CD226: variants seen among roughly 807,000 people sequenced by gnomAD.
CD226 encodes the protein CD226 molecule.
Under a neutral mutation model 34.9 loss-of-function variants are expected in CD226, and 24 were observed. The observed-to-expected ratio is 0.69, with a 90% CI of 0.50 to 0.97. The LOEUF (loss-of-function observed/expected upper bound fraction) is 0.97. Ranked by LOEUF, CD226 falls within the 50% of genes least tolerant of loss-of-function variation. CD226 has a pLI of 0.00. For synonymous variants in CD226, 148 were observed against 147.4 expected, an observed-to-expected ratio of 1.00 and a Z score of -0.03; for missense variants, 397 against 412.7, an observed-to-expected ratio of 0.96 and a Z score of 0.33.
chr18:69,877,919 G>A (rs1229061900), intron 3 of CD226, among the ~76,000 whole-genome samples: 5 of 152,204 alleles, frequency 3.3e-5, no homozygotes, highest in Admixed American at 6.5e-5. Context: ...GGCCCAGCCT[G>A]TAGCTGACAT....
chr18:69,869,893 C>T (rs1332796379), intron 4 of CD226, among the ~76,000 whole-genome samples: 1 of 151,180 alleles, frequency 6.6e-6, no homozygotes, highest in Non-Finnish European at 1.5e-5. Context: ...CTCCGCCTCC[C>T]GGGTTCAAGT....
intron 2 of CD226, among the ~76,000 whole-genome samples, chr18:69,911,625 TACCCA>T (rs2055326288): frequency 6.6e-6 from 1 of 152,174 alleles, no homozygotes; most frequent in African/African-American, 2.4e-5. Context: ...TTTGGAATAA[TACCCA>T]ATTCACTCAA....
intron 2 of CD226, among the ~76,000 whole-genome samples, chr18:69,928,367 G>A (rs7238338): frequency 0.9 from 136,967 of 152,174 alleles, 63,022 homozygotes; most frequent in East Asian, 1. Flanking sequence ...TTGGGATCAT[G>A]AAGAGGGAAA....
intron 2 of CD226, among the ~76,000 whole-genome samples, chr18:69,938,453 A>T (rs1599025726): frequency 6.6e-6 from 1 of 152,230 alleles, no homozygotes; most frequent in Non-Finnish European, 1.5e-5. Context: ...ATCCATCCAC[A>T]TGTGCTGGAT....
chr18:69,900,458 C>A lies in CD226; in HGVS notation c.383-4413G>T, dbSNP rs970265376. On this transcript the variant is annotated intron_variant, in intron 2 of 5. Transcript: ENST00000582621. Reference sequence around the variant, plus strand: ...TTTTTTAAAAATTTTTCTGGCCGGGCGCGGTGGCTCACGCCTGTAATCCCA... The same window carrying A: ...TTTTTTAAAAATTTTTCTGGCCGGGAGCGGTGGCTCACGCCTGTAATCCCA... Among the ~76,000 whole-genome samples the A allele has an allele frequency of 5.9e-5, 9 of 152,230 alleles. No individual in the cohort carries two copies. In the East Asian group the frequency reaches 1.7e-3, roughly 29 times the overall value.
At chr18:69,959,730 TG>T (rs978316743), upstream of CD226, among the ~76,000 whole-genome samples, 5 of 151,968 alleles carry the variant, frequency 3.3e-5, no homozygotes, top group Admixed American at 3.3e-4. Context: ...AACCATGAGG[TG>T]GAAGGTTAAT....
upstream of CD226, among the ~76,000 whole-genome samples, chr18:69,950,353 A>T (rs1167330204): frequency 6.6e-6 from 1 of 152,220 alleles, no homozygotes; most frequent in African/African-American, 2.4e-5. Flanking sequence ...TCTTTTACAG[A>T]AAAACTTTTT....
At chr18:69,873,458 T>C (rs1983668688) in intron 3 of CD226, among the ~76,000 whole-genome samples, 1 of 152,030 alleles carries the variant, frequency 6.6e-6, no homozygotes, top group African/African-American at 2.4e-5. Flanking sequence ...ATTTGTTTTT[T>C]GATTAAGCTG....
In CD226 at chr18:69,872,828, C is replaced by T. The variant is rs529000436; in HGVS notation, c.830+316G>A. 2.6e-5 allele frequency among the ~76,000 whole-genome samples: 4 copies of T among 152,278 alleles called. No homozygotes were observed. In the East Asian group the frequency reaches 5.8e-4, roughly 22 times the overall value. Reference sequence around the variant, plus strand: ...CCCTTCTCAGAATCTGTATCCATCTCGCGCTGTGTCATACACGCACACACA... The same window carrying T: ...CCCTTCTCAGAATCTGTATCCATCTTGCGCTGTGTCATACACGCACACACA... On this transcript the variant is annotated intron_variant, in intron 4 of 5. Transcript: ENST00000582621.
chr18:69,937,340 T>C (rs2145347014), intron 2 of CD226, among the ~76,000 whole-genome samples: 1 of 152,306 alleles, frequency 6.6e-6, no homozygotes, highest in African/African-American at 2.4e-5. Context: ...GCTGTCTATT[T>C]TCTAGATAAT....
intron 3 of CD226, among the ~76,000 whole-genome samples, chr18:69,889,020 C>T (rs749530737): frequency 6.6e-6 from 1 of 151,454 alleles, no homozygotes; most frequent in Non-Finnish European, 1.5e-5. Context: ...ATTAACTGAC[C>T]GGTTGCATTT....
Position 69,864,401 on chromosome 18 carries a change from T to A in CD226, c.924A>T (p.Gln308His), listed in dbSNP as rs767333276. The change falls in exon 6 of 6, where the codon CAA becomes CAT. Residue 308 changes from glutamine (Q) to histidine (H), a missense_variant. Physicochemically the swap from Gln to His is conservative, Grantham distance 24. Coordinates refer to ENST00000582621, the MANE Select transcript of CD226 (RefSeq NM_001303618.2). The part of the protein sequence containing the change: ...NNYRSPISTS[Q>H]PTNQSMDDTR... ...TATCATCCATGGATTGATTGGTAGGTTGACTGGTAGAGATGGGACTTCTAT... is the reference window on the plus strand; with the variant it reads ...TATCATCCATGGATTGATTGGTAGGATGACTGGTAGAGATGGGACTTCTAT... The A allele has an allele frequency of 5.0e-6, 8 of 1,613,588 alleles. No homozygotes were observed. The highest frequency in any genetic ancestry group is 6.8e-6 in the Non-Finnish European group (8 of 1,179,600).
intron 2 of CD226, among the ~76,000 whole-genome samples, chr18:69,913,870 C>G (rs1261427730): frequency 1.3e-5 from 2 of 152,136 alleles, no homozygotes; most frequent in Admixed American, 1.3e-4. Flanking sequence ...TATAGACAAC[C>G]TCACCGGAAA....
intron 2 of CD226, among the ~76,000 whole-genome samples, chr18:69,934,078 T>C (rs1186213213): frequency 6.6e-6 from 1 of 152,210 alleles, no homozygotes; most frequent in Non-Finnish European, 1.5e-5. Flanking sequence ...TGGAGACATA[T>C]ACTAACATTA....
intron 1 of CD226, among the ~76,000 whole-genome samples, chr18:69,953,037 A>G (rs1579582): frequency 6.6e-6 from 1 of 152,138 alleles, no homozygotes; most frequent in Non-Finnish European, 1.5e-5. Context: ...ACTAGGATGG[A>G]CATAATCAAA....
rs1167512951 is a variant in CD226, at chr18:69,858,929, A to T, written c.*5385T>A. On this transcript the variant is annotated 3_prime_UTR_variant, in exon 6 of 6. Transcript: ENST00000582621. ...ATTTTTACTAAGACAGGGTTTCACC[A>T]TATTGGCCAAGTTGGTCTCAAACTC... 6.6e-6 allele frequency: 1 copy of T among 150,894 alleles called. No individual in the cohort carries two copies. Among genetic ancestry groups the T allele is most frequent in the Non-Finnish European group, 1.5e-5 (1 of 67,782 alleles). 9.3% of individuals were successfully genotyped at this position (150,894 alleles called of 1,614,324 possible).
chr18:69,921,114 G>A (rs1402882154), intron 2 of CD226, among the ~76,000 whole-genome samples: 3 of 152,034 alleles, frequency 2.0e-5, no homozygotes, highest in Non-Finnish European at 4.4e-5. Context: ...ATCTGATCAT[G>A]GACCTCTCTG....
chr18:69,873,250 G>A lies in CD226; in HGVS notation c.728-4C>T. On this transcript the variant is annotated splice_region_variant and splice_polypyrimidine_tract_variant and intron_variant, in intron 3 of 5. Coordinates refer to ENST00000582621, the MANE Select transcript of CD226 (RefSeq NM_001303618.2). ...GTATATTGGTTATCGGTTTTACCTAGGAGAGAAAAAAAATATTGTAGGAAT... is the reference window on the plus strand; with the variant it reads ...GTATATTGGTTATCGGTTTTACCTAAGAGAGAAAAAAAATATTGTAGGAAT... The A allele has an allele frequency of 1.3e-6, 2 of 1,486,028 alleles. No homozygotes were observed. Among genetic ancestry groups the A allele is most frequent in the Admixed American group, 1.7e-5 (1 of 57,416 alleles). 92.1% of individuals were successfully genotyped at this position (1,486,028 alleles called of 1,614,324 possible).
chr18:69,958,898 C>T (rs1274195781), upstream of CD226, among the ~76,000 whole-genome samples: 2 of 151,858 alleles, frequency 1.3e-5, no homozygotes, highest in African/African-American at 4.8e-5. Context: ...TTAGCTATTG[C>T]TATTTTTAAG....
Sources: allele counts gnomAD v4.1 joint callset (sites outside exome capture counted in the v4.1 genomes callset), GRCh38; gene constraint gnomAD v4.1.1; transcripts MANE v1.5; gene names NCBI Gene and HGNC (gene_info 2026-07-23, HGNC 2026-07-21).